The following ZNRF3 variants were observed in gnomAD, a reference collection of about 807,000 sequenced individuals.
ZNRF3 encodes zinc and ring finger 3.
A neutral mutation model predicts 72.5 loss-of-function variants in ZNRF3; 23 were observed. The observed-to-expected ratio is 0.32, with a 90% CI of 0.23 to 0.45. The LOEUF (loss-of-function observed/expected upper bound fraction) is 0.45, where lower values mean the gene tolerates loss of function less well. Among genes scored for constraint, ZNRF3 ranks in the 20% least tolerant of loss-of-function variants. The probability of loss-of-function intolerance (pLI) is 1.00; values close to 1 mark genes in which losing one functional copy is unlikely to be tolerated. For missense variants in ZNRF3, 1,169 were observed against 1,272.1 expected (o/e 0.92, Z 1.23); for synonymous variants, 610 against 545.3 (o/e 1.12, Z -1.65).
chr22:28,927,977 A>G (rs1324813087), intron 1 of ZNRF3, among the ~76,000 whole-genome samples: 1 of 152,056 alleles, frequency 6.6e-6, no homozygotes, highest in East Asian at 1.9e-4. Context: ...TGCCTGTTGT[A>G]TTTTGCTGTA....
At chr22:28,926,126 C>G (rs1205645875) in intron 1 of ZNRF3, among the ~76,000 whole-genome samples, 1 of 152,194 alleles carries the variant, frequency 6.6e-6, no homozygotes, top group Non-Finnish European at 1.5e-5. Flanking sequence ...TTTCCTAAAG[C>G]CTACTGCCCT....
chr22:29,034,674 A>G (rs1416822096), intron 2 of ZNRF3, among the ~76,000 whole-genome samples: 1 of 152,220 alleles, frequency 6.6e-6, no homozygotes, highest in African/African-American at 2.4e-5. Flanking sequence ...GCACTTTGGG[A>G]AAGGCTACTA....
At chr22:29,032,405 C>T (rs1290734076) in intron 2 of ZNRF3, among the ~76,000 whole-genome samples, 1 of 152,168 alleles carries the variant, frequency 6.6e-6, no homozygotes, top group Non-Finnish European at 1.5e-5. Flanking sequence ...AGATCCACAA[C>T]AAGGCCAAGC....
chr22:28,893,637 A>G (rs994787116), intron 1 of ZNRF3, among the ~76,000 whole-genome samples: 1 of 151,664 alleles, frequency 6.6e-6, no homozygotes, highest in Non-Finnish European at 1.5e-5. Context: ...AGCTGGGACT[A>G]CAGGTGCACA....
At chr22:29,024,267 T>C (rs1311156470) in intron 2 of ZNRF3, among the ~76,000 whole-genome samples, 5 of 147,264 alleles carry the variant, frequency 3.4e-5, no homozygotes, top group Non-Finnish European at 6.0e-5. Context: ...TTATAATGAC[T>C]TTCAAAGGCA....
intron 1 of ZNRF3, among the ~76,000 whole-genome samples, chr22:28,934,030 C>G (rs2034774525): frequency 6.6e-6 from 1 of 151,946 alleles, no homozygotes; most frequent in African/African-American, 2.4e-5. Flanking sequence ...GGGTACTGCT[C>G]TACTGCAGAT....
chr22:28,967,938 A>G (rs12169126), intron 1 of ZNRF3, among the ~76,000 whole-genome samples: 15,018 of 151,578 alleles, frequency 0.099, 1,168 homozygotes, highest in African/African-American at 0.21. Flanking sequence ...AAAAAAAAAA[A>G]AAAAAGAAAA....
At chr22:29,009,082 G>A (rs1234710315) in intron 2 of ZNRF3, among the ~76,000 whole-genome samples, 2 of 152,180 alleles carry the variant, frequency 1.3e-5, no homozygotes, top group Non-Finnish European at 2.9e-5. Flanking sequence ...GTACTGCAGG[G>A]CCACTGTGAA....
chr22:28,990,869 C>A (rs1322921380), intron 2 of ZNRF3, among the ~76,000 whole-genome samples: 2 of 151,990 alleles, frequency 1.3e-5, no homozygotes, highest in African/African-American at 4.8e-5. Context: ...TGGCAGGGAA[C>A]ATGAGAGGTG....
Position 29,054,804 on chromosome 22 carries a change from C to T in ZNRF3, c.*1182C>T, listed in dbSNP as rs1033312152. 3 of 152,916 alleles carry T rather than the reference C, an allele frequency of 2.0e-5. No homozygotes were observed. The highest frequency in any genetic ancestry group is 4.4e-5 in the Non-Finnish European group (3 of 68,196). 9.5% of individuals were successfully genotyped at this position (152,916 alleles called of 1,614,324 possible). On this transcript the variant is annotated 3_prime_UTR_variant, in exon 9 of 9. Coordinates refer to ENST00000544604, the MANE Select transcript of ZNRF3 (RefSeq NM_001206998.2). ...TTCTGGGGGCATGTGACTGGACCTA[C>T]GAGGTCTGCACTGAGCTCCATTTGA...
At chr22:28,926,873 A>G (rs906038758) in intron 1 of ZNRF3, among the ~76,000 whole-genome samples, 2 of 151,596 alleles carry the variant, frequency 1.3e-5, no homozygotes, top group African/African-American at 2.4e-5. Flanking sequence ...TGTAATTCCA[A>G]TACTTTGGGA....
intron 2 of ZNRF3, among the ~76,000 whole-genome samples, chr22:28,997,914 G>C (rs528594907): frequency 6.7e-6 from 1 of 149,844 alleles, no homozygotes; most frequent in Admixed American, 6.7e-5. Flanking sequence ...TAACATGGGA[G>C]GATCATTTGA....
At chr22:28,978,893 C>A (rs2035720340) in intron 1 of ZNRF3, among the ~76,000 whole-genome samples, 1 of 152,178 alleles carries the variant, frequency 6.6e-6, no homozygotes, top group Non-Finnish European at 1.5e-5. Flanking sequence ...CTGCATTCTT[C>A]CAATGTAGTT....
At chr22:28,932,966 G>T (rs755803722) in intron 1 of ZNRF3, among the ~76,000 whole-genome samples, 2 of 152,160 alleles carry the variant, frequency 1.3e-5, no homozygotes, top group Non-Finnish European at 2.9e-5. Context: ...CTTAATGAAA[G>T]AGCAAAACGG....
At chr22:28,947,984 A>G (rs911550763) in intron 1 of ZNRF3, among the ~76,000 whole-genome samples, 3 of 152,020 alleles carry the variant, frequency 2.0e-5, no homozygotes, top group Non-Finnish European at 2.9e-5. Flanking sequence ...AGCTGGGACT[A>G]CAGGCGTGTG....
rs908787430 is a variant in ZNRF3, at chr22:29,048,614, G to A, written c.1015+123G>A. 1.1e-6 allele frequency: 1 copy of A among 930,150 alleles called. No individual in the cohort carries two copies. Among genetic ancestry groups the A allele is most frequent in the Non-Finnish European group, 1.7e-6 (1 of 599,794 alleles). 57.6% of individuals were successfully genotyped at this position (930,150 alleles called of 1,614,324 possible). Reference sequence around the variant, plus strand: ...ACTGCCCTCTGGACTTGGAGGCCTGGCAGCCCTGGGTTTTGGAGGTTGTCT... The same window carrying A: ...ACTGCCCTCTGGACTTGGAGGCCTGACAGCCCTGGGTTTTGGAGGTTGTCT... On this transcript the variant is annotated intron_variant, in intron 7 of 8. Coordinates refer to ENST00000544604, the MANE Select transcript of ZNRF3 (RefSeq NM_001206998.2). The surrounding 1 kb of genome is among the most constrained non-coding windows in gnomAD (Gnocchi z 4.9).
chr22:28,941,740 G>A (rs2034951088), intron 1 of ZNRF3, among the ~76,000 whole-genome samples: 1 of 152,016 alleles, frequency 6.6e-6, no homozygotes. Context: ...GTGAAAGCCT[G>A]TCTCTACTAA....
At chr22:28,940,849 A>C (rs1295380628) in intron 1 of ZNRF3, among the ~76,000 whole-genome samples, 1 of 152,122 alleles carries the variant, frequency 6.6e-6, no homozygotes, top group Non-Finnish European at 1.5e-5. Context: ...CAGCACCCCC[A>C]CCCAGAAAAA....
intron 2 of ZNRF3, among the ~76,000 whole-genome samples, chr22:28,990,314 G>A (rs1260671927): frequency 1.3e-5 from 2 of 152,186 alleles, no homozygotes; most frequent in Admixed American, 6.5e-5. Flanking sequence ...TGAAAAACAG[G>A]CTCTGTTACC....
Sources: gnomAD v4.1 joint callset for allele counts (sites outside exome capture counted in the v4.1 genomes callset) on GRCh38, gnomAD v4.1.1 for gene constraint, Gnocchi (gnomAD v3.1) non-coding constraint, MANE v1.5 for transcripts, NCBI Gene and HGNC (gene_info 2026-07-23, HGNC 2026-07-21) for gene names.